Variants in AGPAT4 observed in about 807,000 individuals in gnomAD.
AGPAT4 encodes 1-acylglycerol-3-phosphate O-acyltransferase 4.
AGPAT4 carries 15 observed loss-of-function variants against 48.0 expected under a neutral mutation model. The ratio of observed to expected loss-of-function variants is 0.31; its 90% CI spans 0.21 to 0.48. The LOEUF is 0.48. Ranked by LOEUF, AGPAT4 falls within the 20% of genes least tolerant of loss-of-function variation. The pLI is 0.99. For missense variants in AGPAT4, 314 were observed against 482.5 expected (o/e 0.65, Z 3.27); for synonymous variants, 178 against 198.7 (o/e 0.90, Z 0.88).
chr6:161,257,891 C>G (rs1782987621), intron 1 of AGPAT4, among the ~76,000 whole-genome samples: 1 of 152,194 alleles, frequency 6.6e-6, no homozygotes. Flanking sequence ...GTGACGCAGT[C>G]TGTCAAATGT....
rs1430892516 is a variant in AGPAT4 at position 161,148,810 on chromosome 6, C to T, written c.767+377G>A. Among the ~76,000 whole-genome samples the T allele has an allele frequency of 1.3e-5, 2 of 152,196 alleles. No homozygotes were observed. Among genetic ancestry groups the T allele is most frequent in the African/African-American group, 4.8e-5 (2 of 41,442 alleles). On this transcript the variant is annotated intron_variant, in intron 6 of 8. Transcript: ENST00000320285. The surrounding 1 kb of genome is among the most constrained non-coding windows in gnomAD (Gnocchi z 5.5). Reference sequence around the variant, plus strand: ...TAAGTGAGACACTGCAAGAGTTCTGCATTTGTGTCTAGACCGCCTTATATA... The same window carrying T: ...TAAGTGAGACACTGCAAGAGTTCTGTATTTGTGTCTAGACCGCCTTATATA...
rs1437138199 is a variant in AGPAT4, at chr6:161,225,016, TCACCCTGACTCCTTCCAACTACCTGCTC to T, written c.178+6992_178+7019del. 6.6e-6 allele frequency among the ~76,000 whole-genome samples: 1 copy of T among 151,378 alleles called. No homozygotes were observed. Among genetic ancestry groups the T allele is most frequent in the Non-Finnish European group, 1.5e-5 (1 of 67,840 alleles). On this transcript the variant is annotated intron_variant, in intron 2 of 8. Transcript: ENST00000320285. The surrounding 1 kb of genome is among the most constrained non-coding windows in gnomAD (Gnocchi z 5.0). ...CCCTGACTCATTCCAATTACGTGCTTCACCCTGACTCCTTCCAACTACCTGCTCCACCCTGACTCATTCCGATTACCTG... is the reference window on the plus strand; with the variant it reads ...CCCTGACTCATTCCAATTACGTGCTTCACCCTGACTCATTCCGATTACCTG...
rs1395508060 is a variant in AGPAT4, at chr6:161,149,428, A to G, written c.665-139T>C. 1 of 675,616 alleles carries G rather than the reference A, an allele frequency of 1.5e-6. No homozygotes were observed. Among genetic ancestry groups the G allele is most frequent in the African/African-American group, 1.8e-5 (1 of 55,108 alleles). The allele number at this position is 675,616 out of a possible 1,614,324, so 41.9% of individuals were successfully genotyped here. Reference sequence around the variant, plus strand: ...GGTGTGGTCAGATTTCTTTCTTTCTATATGGTCCACATGTTCTACACTGAA... The same window carrying G: ...GGTGTGGTCAGATTTCTTTCTTTCTGTATGGTCCACATGTTCTACACTGAA... On this transcript the variant is annotated intron_variant, in intron 5 of 8. Coordinates refer to ENST00000320285, the MANE Select transcript of AGPAT4 (RefSeq NM_020133.3). The surrounding 1 kb of genome is among the most constrained non-coding windows in gnomAD (Gnocchi z 6.5).
At position 161,169,836 on chromosome 6, in the gene AGPAT4, A is replaced by AC. The variant is rs1780213156; in HGVS notation, c.179-3420dup. Reference sequence around the variant, plus strand: ...TCTTGTATATTTCTGGTTAGAGGGCACCACAAGAGACACTCTTGGGAGGTT... The same window carrying AC: ...TCTTGTATATTTCTGGTTAGAGGGCACCCACAAGAGACACTCTTGGGAGGTT... On this transcript the variant is annotated intron_variant, in intron 2 of 8. Transcript: ENST00000320285. The surrounding 1 kb of genome is among the most constrained non-coding windows in gnomAD (Gnocchi z 5.0). Among the ~76,000 whole-genome samples the AC allele has an allele frequency of 6.6e-6, 1 of 152,176 alleles. No individual in the cohort carries two copies. The highest frequency in any genetic ancestry group is 2.4e-5 in the African/African-American group (1 of 41,442).
In AGPAT4 at chr6:161,158,703, GAA is replaced by G. The variant is rs1448043123; in HGVS notation, c.349-4395_349-4394del. Among the ~76,000 whole-genome samples, 1 of 152,222 alleles carries G rather than the reference GAA, an allele frequency of 6.6e-6. No homozygotes were observed. Among genetic ancestry groups the G allele is most frequent in the African/African-American group, 2.4e-5 (1 of 41,470 alleles). On this transcript the variant is annotated intron_variant, in intron 3 of 8. Transcript: ENST00000320285. The surrounding 1 kb of genome is among the most constrained non-coding windows in gnomAD (Gnocchi z 5.3). ...CCCAGTACTCTGACCCTGACCTTCA[GAA>G]GCTCTACAGCCTCTGGGGTGAAAAG...
In AGPAT4 at chr6:161,144,308, T is replaced by C; in HGVS notation, c.843+2216A>G. ...AGGGCCTGGACTCCAGCACCTGGCT[T>C]TGATCAGTGAGCTGGAAAACTGGGT... On this transcript the variant is annotated intron_variant, in intron 7 of 8. Transcript: ENST00000320285. This position sits in a 1 kb window ranked among gnomAD's most constrained non-coding sequence, Gnocchi z 6.6. The C allele has an allele frequency of 2.3e-6, 1 of 443,604 alleles. No homozygotes were observed. Among genetic ancestry groups the C allele is most frequent in the Non-Finnish European group, 4.7e-6 (1 of 214,044 alleles). The allele number at this position is 443,604 out of a possible 1,614,324, so 27.5% of individuals were successfully genotyped here.
At chr6:161,248,877 G>C (rs1484570549) in intron 1 of AGPAT4, among the ~76,000 whole-genome samples, 2 of 152,064 alleles carry the variant, frequency 1.3e-5, no homozygotes, top group Non-Finnish European at 2.9e-5. Context: ...TAAGCAAAAA[G>C]AACAAAGCTG....
chr6:161,153,777 A>C (rs760498942), intron 4 of AGPAT4, among the ~76,000 whole-genome samples: 20 of 149,032 alleles, frequency 1.3e-4, no homozygotes, highest in South Asian at 6.4e-4. Flanking sequence ...CCATGGTTAC[A>C]TACAGCCCTG....
At chr6:161,160,799 G>T in intron 3 of AGPAT4, 2 of 351,304 alleles carry the variant, frequency 5.7e-6, no homozygotes, top group South Asian at 4.3e-5. Context: ...TCTTCTGAAC[G>T]GACAGCCCAG....
intron 2 of AGPAT4, among the ~76,000 whole-genome samples, chr6:161,209,127 T>C (rs1304651044): frequency 6.6e-6 from 1 of 152,230 alleles, no homozygotes; most frequent in Non-Finnish European, 1.5e-5. Flanking sequence ...GGTGCTAGAA[T>C]GAGGCATTCC....
chr6:161,152,921 G>T (rs1779634013), intron 5 of AGPAT4, among the ~76,000 whole-genome samples: 1 of 152,226 alleles, frequency 6.6e-6, no homozygotes, highest in Non-Finnish European at 1.5e-5. Flanking sequence ...CTTACCGATG[G>T]CCATTTAGGG....
chr6:161,197,490 A>C lies in AGPAT4; in HGVS notation c.179-31073T>G, dbSNP rs772860584. 2.0e-5 allele frequency among the ~76,000 whole-genome samples: 3 copies of C among 151,954 alleles called. No homozygotes were observed. The highest frequency in any genetic ancestry group is 1.3e-4 in the Admixed American group (2 of 15,260). On this transcript the variant is annotated intron_variant, in intron 2 of 8. Coordinates refer to ENST00000320285, the MANE Select transcript of AGPAT4 (RefSeq NM_020133.3). The surrounding 1 kb of genome is among the most constrained non-coding windows in gnomAD (Gnocchi z 5.7). ...TGATAGCTGCCTCTTCCGACTCCCA[A>C]ATGCTCCCAATGCACCCAACAGGCT...
At chr6:161,263,596 T>C (rs535461820) in intron 1 of AGPAT4, among the ~76,000 whole-genome samples, 4 of 152,190 alleles carry the variant, frequency 2.6e-5, no homozygotes, top group Non-Finnish European at 5.9e-5. Context: ...GGAATGAATA[T>C]AAATAATTAA....
In AGPAT4 at chr6:161,152,982, G is replaced by A. The variant is rs1471859436; in HGVS notation, c.664+364C>T. Among the ~76,000 whole-genome samples, 5 of 152,360 alleles carry A rather than the reference G, an allele frequency of 3.3e-5. No individual in the cohort carries two copies. The East Asian group carries it at 7.7e-4, about 24-fold the overall frequency. On this transcript the variant is annotated intron_variant, in intron 5 of 8. Transcript: ENST00000320285. ...CAGACCACAAGGTCAGAGTTCAGCT[G>A]ATGCCAACAGGTGGGCAAGAAATGC...
Position 161,158,818 on chromosome 6 carries a change from G to T in AGPAT4, c.349-4508C>A, listed in dbSNP as rs997913951. On this transcript the variant is annotated intron_variant, in intron 3 of 8. Coordinates refer to ENST00000320285, the MANE Select transcript of AGPAT4 (RefSeq NM_020133.3). The surrounding 1 kb of genome is among the most constrained non-coding windows in gnomAD (Gnocchi z 5.3). ...GATGAAGATTCCAAACCCCGGTGCT[G>T]CGAGCAGCATGGCTGGGAGCAGCAG... 3.3e-5 allele frequency among the ~76,000 whole-genome samples: 5 copies of T among 152,214 alleles called. No individual in the cohort carries two copies. Among genetic ancestry groups the T allele is most frequent in the Non-Finnish European group, 5.9e-5 (4 of 68,044 alleles).
intron 1 of AGPAT4, among the ~76,000 whole-genome samples, chr6:161,271,359 T>A (rs954499532): frequency 1.3e-4 from 20 of 152,250 alleles, no homozygotes; most frequent in African/African-American, 4.6e-4. Flanking sequence ...TTGCGTCTCC[T>A]TGACTGGCTG....
rs954243165 is a variant in AGPAT4 at position 161,149,228 on chromosome 6, T to C, written c.726A>G (p.Gly242=). ...FRNNENPTLL[G]VLNGKKYHAD... is the part of the protein sequence containing the mutation. Reference sequence around the variant, plus strand: ...CATGGTATTTCTTTCCGTTTAGGACTCCCAGCAGTGTTGGATTTTCATTAT... The same window carrying C: ...CATGGTATTTCTTTCCGTTTAGGACCCCCAGCAGTGTTGGATTTTCATTAT... The change falls in exon 6 of 9, where the codon GGA becomes GGG. Residue 242 remains glycine (G), a synonymous_variant. Coordinates refer to ENST00000320285, the MANE Select transcript of AGPAT4 (RefSeq NM_020133.3). The surrounding 1 kb of genome is among the most constrained non-coding windows in gnomAD (Gnocchi z 6.5). 3 of 1,613,582 alleles carry C rather than the reference T, an allele frequency of 1.9e-6. No homozygotes were observed. In the African/African-American group the frequency reaches 4.0e-5, roughly 22 times the overall value.
At chr6:161,205,626 G>C (rs933499934) in intron 2 of AGPAT4, among the ~76,000 whole-genome samples, 1 of 151,898 alleles carries the variant, frequency 6.6e-6, no homozygotes, top group Non-Finnish European at 1.5e-5. Flanking sequence ...AGAAGCAATC[G>C]CACTTTCAGG....
At position 161,140,518 on chromosome 6, in the gene AGPAT4, G is replaced by T. The variant is rs923929765; in HGVS notation, c.844-898C>A. 1.3e-5 allele frequency among the ~76,000 whole-genome samples: 2 copies of T among 152,352 alleles called. No individual in the cohort carries two copies. Among genetic ancestry groups the T allele is most frequent in the Middle Eastern group, 3.4e-3 (1 of 294 alleles). On this transcript the variant is annotated intron_variant, in intron 7 of 8. Coordinates refer to ENST00000320285, the MANE Select transcript of AGPAT4 (RefSeq NM_020133.3). This position sits in a 1 kb window ranked among gnomAD's most constrained non-coding sequence, Gnocchi z 6.5. ...CATAAATGCACTGCGAAAGAACGCG[G>T]TGGCTCTTCCCTGGGTGTCTCATGT...
Sources: gnomAD v4.1 joint callset for allele counts (sites outside exome capture counted in the v4.1 genomes callset) on GRCh38, gnomAD v4.1.1 for gene constraint, Gnocchi (gnomAD v3.1) non-coding constraint, MANE v1.5 for transcripts, NCBI Gene and HGNC (gene_info 2026-07-23, HGNC 2026-07-21) for gene names.